Variants in SIX6 observed in about 807,000 individuals in gnomAD.
SIX6 encodes homeobox protein SIX6.
A neutral mutation model predicts 23.6 loss-of-function variants in SIX6; 14 were observed. The observed-to-expected ratio is 0.59, with a 90% CI of 0.39 to 0.93. The LOEUF (loss-of-function observed/expected upper bound fraction) is 0.93. Ranked by LOEUF, SIX6 falls within the 40% of genes least tolerant of loss-of-function variation. SIX6 has a pLI of 0.00. For missense variants in SIX6, 307 were observed against 325.6 expected (o/e 0.94, Z 0.44); for synonymous variants, 128 against 144.9 (o/e 0.88, Z 0.84).
At position 60,509,911 on chromosome 14, in the gene SIX6, G is replaced by A; in HGVS notation, c.513G>A (p.Gln171=). The change falls in exon 1 of 2, where the codon CAG becomes CAA. Residue 171 remains glutamine, a synonymous_variant. Coordinates refer to ENST00000327720, the MANE Select transcript of SIX6 (RefSeq NM_007374.3). ...LAQATGLTPT[Q]VGNWFKNRRQ... The stretch of plus-strand genomic sequence containing the variant: ...AGGCAACCGGACTGACCCCTACGCA[G>A]GTGGGCAACTGGTTCAAAAACCGCC... 1 of 1,612,236 alleles carries A rather than the reference G, an allele frequency of 6.2e-7. No homozygotes were observed. The highest frequency in any genetic ancestry group is 8.5e-7 in the Non-Finnish European group (1 of 1,179,076).
Position 60,509,508 on chromosome 14 carries a change from T to C in SIX6, c.110T>C (p.Leu37Pro), listed in dbSNP as rs786204851. The C allele has an allele frequency of 6.2e-7, 1 of 1,604,990 alleles. No individual in the cohort carries two copies. Residue 37 changes from leucine (L) to proline (P), a missense_variant, in exon 1 of 2, where the codon CTG becomes CCG. By Grantham distance (98) the Leu-to-Pro change is moderately conservative. Transcript: ENST00000327720. ...CGCCTGGGTCGCTTCCTCTGGTCGC[T>C]GCCCGTGGCCCCTGCGGCCTGCGAG... ...VERLGRFLWS[L>P]PVAPAACEAL... is the part of the protein sequence containing the mutation.
At position 60,511,162 on chromosome 14, in the gene SIX6, C is replaced by G; in HGVS notation, c.651C>G (p.Gly217=). 6.2e-7 allele frequency: 1 copy of G among 1,612,856 alleles called. No homozygotes were observed. The highest frequency in any genetic ancestry group is 8.5e-7 in the Non-Finnish European group (1 of 1,179,890). Residue 217 remains glycine, a synonymous_variant, in exon 2 of 2, where the codon GGC becomes GGG. Coordinates refer to ENST00000327720, the MANE Select transcript of SIX6 (RefSeq NM_007374.3). ...AEGDGTPEVL[G]VATSPAASLS... is the part of the protein sequence containing the mutation. ...GCGACGGCACGCCAGAGGTGCTGGGCGTCGCCACCAGCCCGGCCGCCAGTC... is the reference window on the plus strand; with the variant it reads ...GCGACGGCACGCCAGAGGTGCTGGGGGTCGCCACCAGCCCGGCCGCCAGTC...
Position 60,509,954 on chromosome 14 carries a change from G to A in SIX6, c.556G>A (p.Ala186Thr). Reference sequence around the variant, plus strand: ...AAACCGCCGACAAAGGGACCGAGCGGCTGCAGCCAAGAACAGGTCGGTACC... The same window carrying A: ...AAACCGCCGACAAAGGGACCGAGCGACTGCAGCCAAGAACAGGTCGGTACC... ...FKNRRQRDRA[A>T]AAKNRLQQQV... Residue 186 changes from alanine (A) to threonine (T), a missense_variant, in exon 1 of 2, where the codon GCT becomes ACT. Coordinates refer to ENST00000327720, the MANE Select transcript of SIX6 (RefSeq NM_007374.3). The A allele has an allele frequency of 6.2e-7, 1 of 1,605,538 alleles. No homozygotes were observed. Among genetic ancestry groups the A allele is most frequent in the Non-Finnish European group, 8.5e-7 (1 of 1,175,638 alleles).
At position 60,511,855 on chromosome 14, in the gene SIX6, T is replaced by C. The variant is rs1893299349; in HGVS notation, c.*603T>C. 6.3e-6 allele frequency: 1 copy of C among 158,530 alleles called. No homozygotes were observed. The highest frequency in any genetic ancestry group is 1.8e-4 in the South Asian group (1 of 5,590). 9.8% of individuals were successfully genotyped at this position (158,530 alleles called of 1,614,324 possible). A position where few individuals can be genotyped will look rare whatever the true frequency, so the allele number is the denominator to read the frequency against. On this transcript the variant is annotated 3_prime_UTR_variant, in exon 2 of 2. Transcript: ENST00000327720. ...TTCTTCTTATTATTATTAATATCAT[T>C]CCCTTCACCAGGCATGCAGGGACCC...
rs753530432 is a variant in SIX6, at chr14:60,509,474, G to A, written c.76G>A (p.Asp26Asn). Residue 26 changes from aspartate to asparagine, a missense_variant, in exon 1 of 2, where the codon GAT (aspartate) becomes AAT (asparagine). Asp to Asn is a conservative substitution (Grantham distance 23, BLOSUM62 1). Transcript: ENST00000327720. ...ATGTGAGACCCTGGAAGAGAGCGGC[G>A]ATGTGGAGCGCCTGGGTCGCTTCCT... ...GVCETLEESG[D>N]VERLGRFLWS... 5 of 1,601,058 alleles carry A rather than the reference G, an allele frequency of 3.1e-6. No homozygotes were observed. Among genetic ancestry groups the A allele is most frequent in the South Asian group, 2.2e-5 (2 of 91,072 alleles).
At position 60,509,983 on chromosome 14, in the gene SIX6, A is replaced by G. The variant is rs552165959; in HGVS notation, c.572+13A>G. On this transcript the variant is annotated intron_variant, in intron 1 of 1. Coordinates refer to ENST00000327720, the MANE Select transcript of SIX6 (RefSeq NM_007374.3). ...CAGCCAAGAACAGGTCGGTACCTAG[A>G]GGCCTCCGCGCTTTGAGCGCACCGG... 3.8e-6 allele frequency: 6 copies of G among 1,587,568 alleles called. No individual in the cohort carries two copies. The highest frequency in any genetic ancestry group is 2.3e-5 in the East Asian group (1 of 43,000).
Position 60,509,288 on chromosome 14 carries a change from G to A in SIX6, c.-111G>A. The A allele has an allele frequency of 1.1e-6, 1 of 942,356 alleles. No individual in the cohort carries two copies. The highest frequency in any genetic ancestry group is 1.7e-6 in the Non-Finnish European group (1 of 593,594). 58.4% of individuals were successfully genotyped at this position (942,356 alleles called of 1,614,324 possible). On this transcript the variant is annotated 5_prime_UTR_variant, in exon 1 of 2. Coordinates refer to ENST00000327720, the MANE Select transcript of SIX6 (RefSeq NM_007374.3). ...CCGCCACCCGGTAGTGTGTCCCGCT[G>A]CCCCAATCCGCCTCATCAACAAGCG...
chr14:60,509,428 C>A lies in SIX6; in HGVS notation c.30C>A (p.Ser10Arg). The change falls in exon 1 of 2, where the codon AGC becomes AGA. Residue 10 changes from serine (S) to arginine (R), a missense_variant. Coordinates refer to ENST00000327720, the MANE Select transcript of SIX6 (RefSeq NM_007374.3). ...TCCAGCTGCCCATCTTGAATTTCAGCCCCCAGCAAGTGGCCGGGGTATGTG... is the reference window on the plus strand; with the variant it reads ...TCCAGCTGCCCATCTTGAATTTCAGACCCCAGCAAGTGGCCGGGGTATGTG... Reference protein sequence around the residue: MFQLPILNFSPQQVAGVCET... With the variant: MFQLPILNFRPQQVAGVCET... 1 of 1,599,630 alleles carries A rather than the reference C, an allele frequency of 6.3e-7. No individual in the cohort carries two copies. The highest frequency in any genetic ancestry group is 8.5e-7 in the Non-Finnish European group (1 of 1,179,948).
intron 1 of SIX6, 150 bp from the exon 2 acceptor site, chr14:60,510,934 T>C (rs914585451): frequency 2.5e-6 from 2 of 793,588 alleles, no homozygotes; most frequent in African/African-American, 1.7e-5. Context: ...GCCCGACCTC[T>C]GTCGCCTTGC....
Position 60,511,384 on chromosome 14 carries a change from CG to C in SIX6, c.*135del, listed in dbSNP as rs1209259880. 8.7e-6 allele frequency: 10 copies of C among 1,151,954 alleles called. No individual in the cohort carries two copies. Among genetic ancestry groups the C allele is most frequent in the Middle Eastern group, 2.3e-4 (1 of 4,324 alleles). The allele number at this position is 1,151,954 out of a possible 1,614,324, so 71.4% of individuals were successfully genotyped here. ...CCAGGTGACCAGGGACCCGCGGGCT[CG>C]GGTTGCCGTTTCCCGCCCCACCCCG... is the stretch of plus-strand genomic sequence containing the variant. On this transcript the variant is annotated 3_prime_UTR_variant, in exon 2 of 2. Transcript: ENST00000327720.
intron 1 of SIX6, among the ~76,000 whole-genome samples, chr14:60,510,362 C>T (rs1023188586): frequency 6.6e-6 from 1 of 152,220 alleles, no homozygotes; most frequent in Non-Finnish European, 1.5e-5. Context: ...AGCAATGTGT[C>T]GGTTTCATGT....
chr14:60,509,344 C>G lies in SIX6; in HGVS notation c.-55C>G. 6.7e-7 allele frequency: 1 copy of G among 1,493,650 alleles called. No homozygotes were observed. Among genetic ancestry groups the G allele is most frequent in the South Asian group, 1.1e-5 (1 of 88,718 alleles). 92.5% of individuals were successfully genotyped at this position (1,493,650 alleles called of 1,614,324 possible). A position where few individuals can be genotyped will look rare whatever the true frequency, so the allele number is the denominator to read the frequency against. On this transcript the variant is annotated 5_prime_UTR_variant, in exon 1 of 2. It adds an upstream start codon to the 5' untranslated region. Transcript: ENST00000327720. ...CACACTCAGCCAGGCCCGCGGGCAT[C>G]TGCTGCGTGTCCCGCTCCGGGCTCA...
chr14:60,511,382 C>T lies in SIX6; in HGVS notation c.*130C>T, dbSNP rs1478882548. ...AGCCAGGTGACCAGGGACCCGCGGG[C>T]TCGGGTTGCCGTTTCCCGCCCCACC... On this transcript the variant is annotated 3_prime_UTR_variant, in exon 2 of 2. Coordinates refer to ENST00000327720, the MANE Select transcript of SIX6 (RefSeq NM_007374.3). 4.3e-6 allele frequency: 5 copies of T among 1,163,062 alleles called. No homozygotes were observed. In the South Asian group the frequency reaches 5.2e-5, roughly 12 times the overall value. 72.0% of individuals were successfully genotyped at this position (1,163,062 alleles called of 1,614,324 possible). A position where few individuals can be genotyped will look rare whatever the true frequency, so the allele number is the denominator to read the frequency against.
At position 60,509,162 on chromosome 14, in the gene SIX6, C is replaced by T; in HGVS notation, c.-237C>T. 1 of 560,682 alleles carries T rather than the reference C, an allele frequency of 1.8e-6. No individual in the cohort carries two copies. The highest frequency in any genetic ancestry group is 2.0e-5 in the South Asian group (1 of 49,114). 34.7% of individuals were successfully genotyped at this position (560,682 alleles called of 1,614,324 possible). On this transcript the variant is annotated 5_prime_UTR_variant, in exon 1 of 2. Coordinates refer to ENST00000327720, the MANE Select transcript of SIX6 (RefSeq NM_007374.3). ...GCCCACCCCAATAGCGGAGCCAGCT[C>T]GCCTGCCGGCGTGCCTGAGCCGAGC...
Position 60,509,856 on chromosome 14 carries a change from C to T in SIX6, c.458C>T (p.Pro153Leu). ...GAGTGGTACCTGCAGGATCCATACC[C>T]TAACCCCAGCAAAAAACGTGAGCTC... ...LREWYLQDPY[P>L]NPSKKRELAQ... The change falls in exon 1 of 2, where the codon CCT (proline) becomes CTT (leucine). Residue 153 changes from proline (P) to leucine (L), a missense_variant. Pro to Leu is a moderately conservative substitution (Grantham distance 98). Coordinates refer to ENST00000327720, the MANE Select transcript of SIX6 (RefSeq NM_007374.3). 2 of 1,613,794 alleles carry T rather than the reference C, an allele frequency of 1.2e-6. No individual in the cohort carries two copies. The highest frequency in any genetic ancestry group is 1.7e-6 in the Non-Finnish European group (2 of 1,179,804).
In SIX6 at chr14:60,510,070, C is replaced by T. The variant is rs907990675; in HGVS notation, c.572+100C>T. ...CCAGTCCCTGGCGACTCCAATTCAG[C>T]AGGAGTTGGGAGCGCGGTCTGTCTT... On this transcript the variant is annotated intron_variant, in intron 1 of 1. Transcript: ENST00000327720. 1.0e-5 allele frequency: 11 copies of T among 1,084,682 alleles called. 1 individual carries two copies. The highest frequency in any genetic ancestry group is 2.7e-5 in the South Asian group (2 of 74,088). The allele number at this position is 1,084,682 out of a possible 1,614,324, so 67.2% of individuals were successfully genotyped here.
At chr14:60,511,017 G>A (rs943858326) in intron 1 of SIX6, 67 bp from the exon 2 acceptor site, 2 of 1,519,574 alleles carry the variant, frequency 1.3e-6, no homozygotes, top group Non-Finnish European at 9.0e-7. Context: ...GACGCAGGAG[G>A]TGGTGGGGGC....
intron 1 of SIX6, 92 bp downstream of exon 1, chr14:60,510,062 C>A: frequency 8.7e-7 from 1 of 1,151,724 alleles, no homozygotes; most frequent in Non-Finnish European, 1.3e-6. Context: ...CTGGCGACTC[C>A]AATTCAGCAG....
rs1018708469 is a variant in SIX6 at position 60,512,478 on chromosome 14, C to G, written c.*1226C>G. ...TCTTGCTGCAGAATTTGGTTTTAAT[C>G]AAATGAATGGTTTTTAACAAGAGGG... On this transcript the variant is annotated 3_prime_UTR_variant, in exon 2 of 2. Coordinates refer to ENST00000327720, the MANE Select transcript of SIX6 (RefSeq NM_007374.3). 6.6e-6 allele frequency: 1 copy of G among 152,082 alleles called. No homozygotes were observed. Among genetic ancestry groups the G allele is most frequent in the Non-Finnish European group, 1.5e-5 (1 of 68,018 alleles). The allele number at this position is 152,082 out of a possible 1,614,324, so 9.4% of individuals were successfully genotyped here.
Sources: gnomAD v4.1 joint callset for allele counts (sites outside exome capture counted in the v4.1 genomes callset) on GRCh38, gnomAD v4.1.1 for gene constraint, MANE v1.5 for transcripts, NCBI Gene and HGNC (gene_info 2026-07-23, HGNC 2026-07-21) for gene names.